The following MANBA variants were observed in gnomAD, a reference collection of about 807,000 sequenced individuals.
MANBA encodes the protein mannosidase beta.
MANBA carries 83 observed loss-of-function variants against 111.1 expected under a neutral mutation model. The ratio of observed to expected loss-of-function variants is 0.75; its 90% CI spans 0.63 to 0.90. MANBA has a LOEUF of 0.90. Among genes scored for constraint, MANBA ranks in the 40% least tolerant of loss-of-function variants. The pLI is 0.00. For synonymous variants in MANBA, 370 were observed against 378.7 expected, an observed-to-expected ratio of 0.98 and a Z score of 0.27; for missense variants, 1,036 against 1,069.0, an observed-to-expected ratio of 0.97 and a Z score of 0.43.
In MANBA at chr4:102,719,806, T is replaced by C. The variant is rs529584113; in HGVS notation, c.549+3065A>G. Among the ~76,000 whole-genome samples the C allele has an allele frequency of 3.3e-5, 5 of 152,374 alleles. No homozygotes were observed. The South Asian group carries it at 6.2e-4, about 19-fold the overall frequency. ...AGAATTCAGACCCAAGACTCTTCAC[T>C]TGGTCTCCAACTCAGGTGTCTTCCC... is the stretch of plus-strand genomic sequence containing the variant. On this transcript the variant is annotated intron_variant, in intron 4 of 16. Coordinates refer to ENST00000647097, the MANE Select transcript of MANBA (RefSeq NM_005908.4).
intron 1 of MANBA, among the ~76,000 whole-genome samples, chr4:102,748,598 C>T (rs1723669958): frequency 6.6e-6 from 1 of 152,146 alleles, no homozygotes; most frequent in Non-Finnish European, 1.5e-5. Context: ...GGATGCTTTT[C>T]ATAACATAGC....
chr4:102,730,572 A>G (rs1722995967), intron 1 of MANBA: 1 of 538,288 alleles, frequency 1.9e-6, no homozygotes, highest in Non-Finnish European at 3.7e-6. Flanking sequence ...TTAGTGCGTC[A>G]TTGATGTCTA....
rs1423753356 is a variant in MANBA, at chr4:102,721,323, C to CAAAT, written c.549+1544_549+1547dup. Among the ~76,000 whole-genome samples the CAAAT allele has an allele frequency of 4.8e-5, 7 of 144,586 alleles. No homozygotes were observed. In the South Asian group the frequency reaches 8.4e-4, roughly 17 times the overall value. The allele number at this position is 144,586 out of a possible 152,430, so 94.9% of individuals were successfully genotyped here. On this transcript the variant is annotated intron_variant, in intron 4 of 16. Coordinates refer to ENST00000647097, the MANE Select transcript of MANBA (RefSeq NM_005908.4). The stretch of plus-strand genomic sequence containing the variant: ...TGAGCAACAGAGCAAGACTCCATCT[C>CAAAT]AAATACATAAATAAATAAATAAATA...
intron 5 of MANBA, among the ~76,000 whole-genome samples, chr4:102,699,350 T>G (rs1441200416): frequency 6.6e-6 from 1 of 151,626 alleles, no homozygotes; most frequent in African/African-American, 2.4e-5. Context: ...ACCCTTTATT[T>G]CCTTCTCCTG....
At chr4:102,752,591 A>C (rs1578961913) in intron 1 of MANBA, 2 of 636,276 alleles carry the variant, frequency 3.1e-6, no homozygotes, top group South Asian at 2.7e-5. Context: ...AGCAGACAAT[A>C]AATTGTATTC....
chr4:102,706,055 G>C (rs1000627027), intron 5 of MANBA, among the ~76,000 whole-genome samples: 3 of 152,252 alleles, frequency 2.0e-5, no homozygotes, highest in Admixed American at 1.3e-4. Context: ...CATACCTGCT[G>C]TCCAGGGGCC....
chr4:102,760,269 C>T (rs775848722), intron 1 of MANBA, among the ~76,000 whole-genome samples: 1 of 152,194 alleles, frequency 6.6e-6, no homozygotes, highest in Non-Finnish European at 1.5e-5. Flanking sequence ...GACTCCCTGA[C>T]GCTTAACAGC....
At chr4:102,711,391 C>A (rs3974631) in intron 5 of MANBA, among the ~76,000 whole-genome samples, 5,072 of 152,134 alleles carry the variant, frequency 0.033, 202 homozygotes, top group African/African-American at 0.097. Context: ...CATCAGGGAA[C>A]TGTAAATCAA....
intron 4 of MANBA, among the ~76,000 whole-genome samples, chr4:102,716,223 C>A (rs984625933): frequency 6.9e-6 from 1 of 145,518 alleles, no homozygotes; most frequent in South Asian, 2.2e-4. Flanking sequence ...GCAGGAGAAT[C>A]GCTTGAACCC....
intron 5 of MANBA, among the ~76,000 whole-genome samples, chr4:102,699,343 C>A (rs1732898555): frequency 6.6e-6 from 1 of 151,426 alleles, no homozygotes; most frequent in South Asian, 2.1e-4. Context: ...ATTGAATACC[C>A]TTTATTTCCT....
rs74868662 is a variant in MANBA, at chr4:102,730,689, C to T, written c.178-4006G>A. On this transcript the variant is annotated intron_variant, in intron 1 of 16. Transcript: ENST00000647097. The stretch of plus-strand genomic sequence containing the variant: ...TGTGCTTCTTCCGGGCTTGTAATAC[C>T]TTCATGAACGCTCCTTCTGGATTCC... 1,903 of 536,650 alleles carry T rather than the reference C, an allele frequency of 3.5e-3. 20 individuals carry two copies. Among genetic ancestry groups the T allele is most frequent in the African/African-American group, 0.028 (1,470 of 52,080 alleles). 33.2% of individuals were successfully genotyped at this position (536,650 alleles called of 1,614,324 possible). A position where few individuals can be genotyped will look rare whatever the true frequency, so the allele number is the denominator to read the frequency against.
intron 4 of MANBA, among the ~76,000 whole-genome samples, chr4:102,715,939 TATA>T (rs1722309397): frequency 6.6e-6 from 1 of 152,240 alleles, no homozygotes; most frequent in Admixed American, 6.5e-5. Context: ...TAAATTTCTC[TATA>T]ATATCTCTGA....
At chr4:102,684,320 T>C (rs1404934655) in intron 7 of MANBA, among the ~76,000 whole-genome samples, 1 of 152,196 alleles carries the variant, frequency 6.6e-6, no homozygotes, top group Non-Finnish European at 1.5e-5. Flanking sequence ...TTCAATGTCC[T>C]GTCTGACACA....
intron 5 of MANBA, among the ~76,000 whole-genome samples, chr4:102,709,760 T>C (rs1721968853): frequency 6.6e-6 from 1 of 152,112 alleles, no homozygotes; most frequent in Non-Finnish European, 1.5e-5. Context: ...CCAAAGATCC[T>C]CAACAAAATC....
intron 7 of MANBA, 97 bp from the exon 8 acceptor site, chr4:102,674,167 T>C (rs1387794094): frequency 1.2e-6 from 1 of 869,494 alleles, no homozygotes; most frequent in African/African-American, 1.7e-5. Flanking sequence ...CTACATTCAG[T>C]AGTTTAATGC....
At chr4:102,684,663 T>G (rs1279413543) in intron 7 of MANBA, among the ~76,000 whole-genome samples, 2 of 152,096 alleles carry the variant, frequency 1.3e-5, no homozygotes, top group East Asian at 3.8e-4. Context: ...GGGGATACGC[T>G]CCAAGACCCC....
intron 1 of MANBA, chr4:102,752,616 C>A: frequency 1.7e-6 from 1 of 601,490 alleles, no homozygotes; most frequent in South Asian, 1.4e-5. Context: ...AGATATTCAC[C>A]TACCACTTTC....
rs201542035 is a variant in MANBA, at chr4:102,723,913, G to C, written c.327C>G (p.Ile109Met). 43 of 1,611,382 alleles carry C rather than the reference G, an allele frequency of 2.7e-5. No homozygotes were observed. Among genetic ancestry groups the C allele is most frequent in the Non-Finnish European group, 1.7e-6 (2 of 1,178,132 alleles). ...CCCCAATAGTGACTTCATTGAACAG[G>C]ATTTTTGAAACCGTATCCACTCCCT... Reference protein sequence around the residue: ...ILEGVDTVSKILFNEVTIGET... With the variant: ...ILEGVDTVSKMLFNEVTIGET... The change falls in exon 3 of 17, where the codon ATC (isoleucine) becomes ATG (methionine). Residue 109 changes from isoleucine to methionine, a missense_variant. Physicochemically the swap from Ile to Met is conservative, Grantham distance 10 (BLOSUM62 1). Transcript: ENST00000647097.
chr4:102,682,970 A>G (rs1732052006), intron 7 of MANBA: 1 of 152,212 alleles, frequency 6.6e-6, no homozygotes, highest in African/African-American at 2.4e-5. Context: ...GACACACTTC[A>G]TAATCTCTGT....
Sources: gnomAD v4.1 joint callset for allele counts (sites outside exome capture counted in the v4.1 genomes callset) on GRCh38, gnomAD v4.1.1 for gene constraint, MANE v1.5 for transcripts, NCBI Gene and HGNC (gene_info 2026-07-23, HGNC 2026-07-21) for gene names.